Variants in RAB8B observed in about 807,000 individuals in gnomAD.
RAB8B encodes the protein ras-related protein Rab-8B.
A neutral mutation model predicts 32.0 loss-of-function variants in RAB8B; 11 were observed. The ratio of observed to expected loss-of-function variants is 0.34; its 90% CI spans 0.22 to 0.57. The LOEUF (loss-of-function observed/expected upper bound fraction) is 0.57, where lower values mean the gene tolerates loss of function less well. Among genes scored for constraint, RAB8B ranks in the 20% least tolerant of loss-of-function variants. RAB8B has a pLI of 0.86. For synonymous variants in RAB8B, 103 were observed against 89.6 expected (o/e 1.15, Z -0.85); for missense variants, 190 against 258.5 (o/e 0.73, Z 1.82).
intron 1 of RAB8B, among the ~76,000 whole-genome samples, chr15:63,218,210 C>T (rs2037810493): frequency 6.6e-6 from 1 of 152,120 alleles, no homozygotes; most frequent in Non-Finnish European, 1.5e-5. Flanking sequence ...TCACTTTCTA[C>T]AAGTATAAGC....
chr15:63,263,566 A>G lies in RAB8B; in HGVS notation c.571A>G (p.Ile191Val). 1 of 1,613,156 alleles carries G rather than the reference A, an allele frequency of 6.2e-7. No individual in the cohort carries two copies. The highest frequency in any genetic ancestry group is 8.5e-7 in the Non-Finnish European group (1 of 1,179,090). ...NSAGAGGPVK[I>V]TENRSKKTSF... ...AGCAGGAGCAGGTGGACCAGTGAAA[A>G]TAACAGAAAACCGATCAAAGAAGAC... The change falls in exon 8 of 8, where the codon ATA becomes GTA. Residue 191 changes from isoleucine to valine, a missense_variant. Ile to Val is a conservative substitution (Grantham distance 29, BLOSUM62 3). Coordinates refer to ENST00000321437, the MANE Select transcript of RAB8B (RefSeq NM_016530.3).
chr15:63,262,689 T>A lies in RAB8B; in HGVS notation c.481-3T>A. ...TAATGAAAATGTTTTGTTTTACCTA[T>A]AGGCATTTTTTACACTTGCACGAGA... On this transcript the variant is annotated splice_region_variant and splice_polypyrimidine_tract_variant and intron_variant, in intron 6 of 7. Transcript: ENST00000321437. The A allele has an allele frequency of 7.2e-7, 1 of 1,388,496 alleles. No homozygotes were observed. 86.0% of individuals were successfully genotyped at this position (1,388,496 alleles called of 1,614,324 possible). A position where few individuals can be genotyped will look rare whatever the true frequency, so the allele number is the denominator to read the frequency against.
At chr15:63,221,898 T>A (rs1450166188) in intron 1 of RAB8B, among the ~76,000 whole-genome samples, 1 of 152,248 alleles carries the variant, frequency 6.6e-6, no homozygotes, top group Non-Finnish European at 1.5e-5. Context: ...ATCAGTCAGC[T>A]TTTGCAGTTA....
At chr15:63,197,045 A>G (rs1237062252) in intron 1 of RAB8B, among the ~76,000 whole-genome samples, 2 of 152,188 alleles carry the variant, frequency 1.3e-5, no homozygotes, top group East Asian at 1.9e-4. Context: ...TAATTAGCAG[A>G]TGGAGCTGTG....
chr15:63,190,375 T>G (rs1261601835), intron 1 of RAB8B, among the ~76,000 whole-genome samples: 2 of 151,754 alleles, frequency 1.3e-5, no homozygotes, highest in African/African-American at 2.4e-5. Context: ...GAAGAAGAGT[T>G]CAAGGGATCA....
intron 1 of RAB8B, among the ~76,000 whole-genome samples, chr15:63,239,988 C>A (rs902011300): frequency 1.3e-5 from 2 of 152,034 alleles, no homozygotes; most frequent in African/African-American, 4.8e-5. Context: ...GAATGGCATC[C>A]TCAGAGAAGG....
Position 63,210,227 on chromosome 15 carries a change from A to G in RAB8B, c.124+20479A>G, listed in dbSNP as rs544198747. On this transcript the variant is annotated intron_variant, in intron 1 of 7. Coordinates refer to ENST00000321437, the MANE Select transcript of RAB8B (RefSeq NM_016530.3). The stretch of plus-strand genomic sequence containing the variant: ...CTAAAAATCTTCTTTTTCCCCAGGT[A>G]AGAGGCTACAGTTTCTTTGCCTCTG... 2.0e-5 allele frequency among the ~76,000 whole-genome samples: 3 copies of G among 152,266 alleles called. No homozygotes were observed. In the East Asian group the frequency reaches 5.8e-4, roughly 29 times the overall value.
rs2053632 is a variant in RAB8B, at chr15:63,264,849, T to G, written c.*1230T>G. On this transcript the variant is annotated 3_prime_UTR_variant, in exon 8 of 8. Transcript: ENST00000321437. ...TCAGTTTTCAAACAGCTGTTGTTGA[T>G]TGTGTAGAACCCAGTTCCATCTGTT... 3 of 152,636 alleles carry G rather than the reference T, an allele frequency of 2.0e-5. No homozygotes were observed. The highest frequency in any genetic ancestry group is 4.4e-5 in the Non-Finnish European group (3 of 68,058). The allele number at this position is 152,636 out of a possible 1,614,324, so 9.5% of individuals were successfully genotyped here. A position where few individuals can be genotyped will look rare whatever the true frequency, so the allele number is the denominator to read the frequency against.
At position 63,262,730 on chromosome 15, in the gene RAB8B, C is replaced by T; in HGVS notation, c.519C>T (p.Leu173=). ...FTLARDIMTK[L]NRKMNDSNSA... The stretch of plus-strand genomic sequence containing the variant: ...TTGCACGAGATATAATGACAAAACT[C>T]AACAGAAAAATGGTTTGTATCACTT... The change falls in exon 7 of 8, where the codon CTC becomes CTT. Residue 173 remains leucine (L), a synonymous_variant. Coordinates refer to ENST00000321437, the MANE Select transcript of RAB8B (RefSeq NM_016530.3). The T allele has an allele frequency of 6.9e-7, 1 of 1,453,486 alleles. No individual in the cohort carries two copies. The highest frequency in any genetic ancestry group is 1.5e-5 in the South Asian group (1 of 68,226). 90.0% of individuals were successfully genotyped at this position (1,453,486 alleles called of 1,614,324 possible). A position where few individuals can be genotyped will look rare whatever the true frequency, so the allele number is the denominator to read the frequency against.
At chr15:63,240,854 T>C (rs1358719088) in intron 1 of RAB8B, among the ~76,000 whole-genome samples, 1 of 150,174 alleles carries the variant, frequency 6.7e-6, no homozygotes, top group Non-Finnish European at 1.5e-5. Context: ...TTTTGAAGTG[T>C]TTTAAATGAA....
intron 3 of RAB8B, among the ~76,000 whole-genome samples, chr15:63,253,260 CA>C (rs1185608907): frequency 6.6e-6 from 1 of 152,116 alleles, no homozygotes; most frequent in Non-Finnish European, 1.5e-5. Flanking sequence ...TCTAAAATCC[CA>C]CTACTCTGAG....
Position 63,267,272 on chromosome 15 carries a change from A to C in RAB8B, c.*3653A>C, listed in dbSNP as rs2038256151. ...AAATGTACAGAAATAAAAATTAGCA[A>C]ACAATTATTCTAGGGATATTTTCAG... On this transcript the variant is annotated 3_prime_UTR_variant, in exon 8 of 8. Transcript: ENST00000321437. The C allele has an allele frequency of 6.5e-6, 1 of 152,690 alleles. No homozygotes were observed. The highest frequency in any genetic ancestry group is 2.4e-5 in the African/African-American group (1 of 41,472). 9.5% of individuals were successfully genotyped at this position (152,690 alleles called of 1,614,324 possible). A position where few individuals can be genotyped will look rare whatever the true frequency, so the allele number is the denominator to read the frequency against.
chr15:63,232,737 C>G (rs1345041998), intron 1 of RAB8B, among the ~76,000 whole-genome samples: 1 of 151,946 alleles, frequency 6.6e-6, no homozygotes. Context: ...GACCATTTGT[C>G]CCCCTTAAAA....
At chr15:63,191,300 TAAA>T (rs869042632) in intron 1 of RAB8B, among the ~76,000 whole-genome samples, 1 of 152,128 alleles carries the variant, frequency 6.6e-6, no homozygotes, top group Non-Finnish European at 1.5e-5. Flanking sequence ...TATCTTTTTT[TAAA>T]AAAAGAGTAT....
chr15:63,225,996 A>G (rs1595741275), intron 1 of RAB8B, among the ~76,000 whole-genome samples: 1 of 152,030 alleles, frequency 6.6e-6, no homozygotes, highest in South Asian at 2.1e-4. Context: ...GCTTGCCACC[A>G]TGCCTGGCTC....
At chr15:63,231,445 T>A (rs1028893006) in intron 1 of RAB8B, among the ~76,000 whole-genome samples, 1 of 152,028 alleles carries the variant, frequency 6.6e-6, no homozygotes, top group African/African-American at 2.4e-5. Context: ...GGCAATATGG[T>A]CTTCCCATAG....
chr15:63,240,187 T>G (rs2141133529), intron 1 of RAB8B, among the ~76,000 whole-genome samples: 1 of 152,270 alleles, frequency 6.6e-6, no homozygotes, highest in Middle Eastern at 3.4e-3. Context: ...GCAGTGACAT[T>G]ACCACAGGGA....
intron 1 of RAB8B, among the ~76,000 whole-genome samples, chr15:63,218,137 G>T (rs2037809911): frequency 6.6e-6 from 1 of 151,864 alleles, no homozygotes; most frequent in Admixed American, 6.6e-5. Flanking sequence ...GTTGGCAAAA[G>T]AAATGCACCA....
intron 1 of RAB8B, among the ~76,000 whole-genome samples, chr15:63,240,115 A>G (rs1595745812): frequency 6.6e-6 from 1 of 151,916 alleles, no homozygotes; most frequent in Non-Finnish European, 1.5e-5. Context: ...AGAATGGTGC[A>G]TCTGGTGGGA....
Sources: allele counts gnomAD v4.1 joint callset (sites outside exome capture counted in the v4.1 genomes callset), GRCh38; gene constraint gnomAD v4.1.1; transcripts MANE v1.5; gene names NCBI Gene and HGNC (gene_info 2026-07-23, HGNC 2026-07-21).